Variants in DSCAM observed in about 807,000 individuals in gnomAD.
DSCAM encodes cell adhesion molecule DSCAM.
Under a neutral mutation model 217.7 loss-of-function variants are expected in DSCAM, and 47 were observed. That is an observed-to-expected ratio of 0.22 (90% CI 0.17 to 0.28). The LOEUF (loss-of-function observed/expected upper bound fraction) is 0.28. DSCAM is among the 10% of genes least tolerant of loss of function. DSCAM has a pLI of 1.00. For synonymous variants in DSCAM, 1,056 were observed against 1,015.3 expected (o/e 1.04, Z -0.76); for missense variants, 2,080 against 2,618.3 (o/e 0.79, Z 4.49).
chr21:40,601,026 T>C (rs888499142), intron 3 of DSCAM, among the ~76,000 whole-genome samples: 4 of 152,326 alleles, frequency 2.6e-5, no homozygotes, highest in Admixed American at 2.0e-4. Context: ...TAGCTTTCCA[T>C]GTAAGCTTTA....
rs575180533 is a variant in DSCAM at position 40,194,704 on chromosome 21, C to A, written c.2357-5466G>T. Among the ~76,000 whole-genome samples, 3 of 152,336 alleles carry A rather than the reference C, an allele frequency of 2.0e-5. No individual in the cohort carries two copies. In the South Asian group the frequency reaches 6.2e-4, roughly 32 times the overall value. On this transcript the variant is annotated intron_variant, in intron 11 of 32. Transcript: ENST00000400454. ...TCTGTGTTCTTATGATATAAGGGAG[C>A]ATCCCTCTGACCTACTTTTTTGCAG...
At chr21:40,333,231 A>T (rs2074395171) in intron 8 of DSCAM, among the ~76,000 whole-genome samples, 1 of 152,204 alleles carries the variant, frequency 6.6e-6, no homozygotes, top group African/African-American at 2.4e-5. Context: ...CTAATTTCTT[A>T]TCTCCCTCCC....
At chr21:40,131,478 T>G (rs2090153855) in intron 19 of DSCAM, among the ~76,000 whole-genome samples, 1 of 152,166 alleles carries the variant, frequency 6.6e-6, no homozygotes, top group South Asian at 2.1e-4. Flanking sequence ...CAGGCTGGAG[T>G]GCAGTTGCAC....
In DSCAM at chr21:40,583,432, C is replaced by G. The variant is rs563725875; in HGVS notation, c.508+109378G>C. On this transcript the variant is annotated intron_variant, in intron 3 of 32. Coordinates refer to ENST00000400454, the MANE Select transcript of DSCAM (RefSeq NM_001389.5). ...CCACAGACACGAATATGCTTCTCGG[C>G]CTGGTACATGGAACACGAGCTGGTC... Among the ~76,000 whole-genome samples, 31 of 152,250 alleles carry G rather than the reference C, an allele frequency of 2.0e-4. No individual in the cohort carries two copies. The South Asian group carries it at 6.4e-3, about 32-fold the overall frequency.
intron 3 of DSCAM, among the ~76,000 whole-genome samples, chr21:40,583,335 T>C (rs1242758310): frequency 1.3e-5 from 2 of 152,236 alleles, no homozygotes; most frequent in Non-Finnish European, 1.5e-5. Context: ...TGATTTCGTA[T>C]CTGGCTGTTC....
intron 32 of DSCAM, among the ~76,000 whole-genome samples, chr21:40,026,308 G>A (rs2088381643): frequency 7.1e-6 from 1 of 140,152 alleles, no homozygotes; most frequent in African/African-American, 2.6e-5. Context: ...GGTCAATTTT[G>A]GAATAGGTGT....
intron 3 of DSCAM, among the ~76,000 whole-genome samples, chr21:40,468,189 G>A (rs2075860310): frequency 6.6e-6 from 1 of 152,062 alleles, no homozygotes; most frequent in African/African-American, 2.4e-5. Flanking sequence ...AAGATTCACT[G>A]AAATTTAAAA....
intron 1 of DSCAM, among the ~76,000 whole-genome samples, chr21:40,757,211 G>C (rs781083978): frequency 3.3e-5 from 5 of 151,796 alleles, no homozygotes; most frequent in Admixed American, 2.0e-4. Flanking sequence ...ATTTTTAGTA[G>C]AGACGGGGTT....
chr21:40,214,889 A>C (rs1052763544), intron 11 of DSCAM, among the ~76,000 whole-genome samples: 1 of 152,162 alleles, frequency 6.6e-6, no homozygotes, highest in East Asian at 1.9e-4. Context: ...CAATCAGTAT[A>C]TCAAAAAGAC....
At chr21:40,752,498 T>C (rs571041487) in intron 1 of DSCAM, among the ~76,000 whole-genome samples, 1 of 152,212 alleles carries the variant, frequency 6.6e-6, no homozygotes, top group South Asian at 2.1e-4. Flanking sequence ...TTTGAGGCAA[T>C]ATGTGATAAA....
chr21:40,712,865 G>A (rs531987778), intron 1 of DSCAM, among the ~76,000 whole-genome samples: 3 of 152,236 alleles, frequency 2.0e-5, no homozygotes, highest in South Asian at 2.1e-4. Flanking sequence ...AGCCTTTAGC[G>A]AGGTCCTGAT....
At chr21:40,066,535 G>A (rs187571905) in intron 27 of DSCAM, among the ~76,000 whole-genome samples, 5 of 152,298 alleles carry the variant, frequency 3.3e-5, no homozygotes, top group Admixed American at 2.0e-4. Context: ...TGAGAAAGAC[G>A]CTGGTAATTC....
rs1202834874 is a variant in DSCAM at position 40,134,018 on chromosome 21, C to T, written c.3407-9G>A. 2.5e-6 allele frequency: 4 copies of T among 1,600,736 alleles called. No homozygotes were observed. Among genetic ancestry groups the T allele is most frequent in the Non-Finnish European group, 3.4e-6 (4 of 1,174,600 alleles). On this transcript the variant is annotated splice_polypyrimidine_tract_variant and intron_variant, in intron 18 of 32. Coordinates refer to ENST00000400454, the MANE Select transcript of DSCAM (RefSeq NM_001389.5). Reference sequence around the variant, plus strand: ...TTTAATCTCACCCAGCTCTGGAGGACAAGAACAAGAAAACAAAATCCCACT... The same window carrying T: ...TTTAATCTCACCCAGCTCTGGAGGATAAGAACAAGAAAACAAAATCCCACT...
At chr21:40,672,563 T>C (rs1489356400) in intron 3 of DSCAM, among the ~76,000 whole-genome samples, 1 of 152,140 alleles carries the variant, frequency 6.6e-6, no homozygotes, top group Non-Finnish European at 1.5e-5. Context: ...GCCAGAGTAG[T>C]ATATTCAAGG....
intron 1 of DSCAM, among the ~76,000 whole-genome samples, chr21:40,733,614 G>C (rs1253202410): frequency 6.6e-6 from 1 of 152,152 alleles, no homozygotes. Context: ...GGCACCCATA[G>C]ACTGTGGGTC....
At chr21:40,476,475 ATAT>A (rs2075937123) in intron 3 of DSCAM, among the ~76,000 whole-genome samples, 2 of 152,250 alleles carry the variant, frequency 1.3e-5, no homozygotes, top group African/African-American at 2.4e-5. Flanking sequence ...TATCATAATA[ATAT>A]TGATGATGAT....
intron 3 of DSCAM, among the ~76,000 whole-genome samples, chr21:40,636,776 T>C (rs62801962): frequency 2.7e-5 from 4 of 146,860 alleles, no homozygotes; most frequent in African/African-American, 1.0e-4. Flanking sequence ...TTTTTTTTTT[T>C]TCACAACATC....
At chr21:40,141,842 G>A (rs562913374) in intron 18 of DSCAM, among the ~76,000 whole-genome samples, 34 of 152,282 alleles carry the variant, frequency 2.2e-4, no homozygotes, top group African/African-American at 6.7e-4. Context: ...GGCACCACTC[G>A]CAGCCTGAGG....
chr21:40,383,492 T>G (rs2123735926), intron 3 of DSCAM: 1 of 152,342 alleles, frequency 6.6e-6, no homozygotes, highest in South Asian at 2.1e-4. Flanking sequence ...TCAATTCTTG[T>G]GATTCTTTCA....
Sources: gnomAD v4.1 joint callset for allele counts (sites outside exome capture counted in the v4.1 genomes callset) on GRCh38, gnomAD v4.1.1 for gene constraint, MANE v1.5 for transcripts, NCBI Gene and HGNC (gene_info 2026-07-23, HGNC 2026-07-21) for gene names.